Variants in DIP2C observed in about 807,000 individuals in gnomAD.
DIP2C encodes the protein DIP2 acetate--CoA ligase C (putative), also known as disco-interacting protein 2 homolog C.
A neutral mutation model predicts 192.4 loss-of-function variants in DIP2C; 33 were observed. That is an observed-to-expected ratio of 0.17 (90% CI 0.13 to 0.23). The LOEUF is 0.23. Ranked by LOEUF, DIP2C falls within the 10% of genes least tolerant of loss-of-function variation. The probability of loss-of-function intolerance (pLI) is 1.00; values close to 1 mark genes in which losing one functional copy is unlikely to be tolerated. For missense variants in DIP2C, 1,537 were observed against 2,110.1 expected (o/e 0.73, Z 5.32); for synonymous variants, 979 against 864.1 (o/e 1.13, Z -2.33).
At chr10:495,036 T>C (rs1844715338) in intron 1 of DIP2C, among the ~76,000 whole-genome samples, 1 of 152,212 alleles carries the variant, frequency 6.6e-6, no homozygotes, top group African/African-American at 2.4e-5. Flanking sequence ...ACAAAACAAA[T>C]ACTATTCAAC....
At position 281,288 on chromosome 10, in the gene DIP2C, C is replaced by G. The variant is rs1339045401; in HGVS notation, c.4330G>C (p.Asp1444His). ...HDALYVVGALDEAMELRGMRY... is the reference protein window; with the variant it reads ...HDALYVVGALHEAMELRGMRY... ...ATGCCCCGCAGCTCCATGGCTTCGT[C>G]CAGTGCCCCTACCACGTAGAGGGCA... Residue 1444 changes from aspartate (D) to histidine (H), a missense_variant, in exon 36 of 37, where the codon GAC becomes CAC. Around this residue, in one of 4 missense-constraint regions of DIP2C, gnomAD observed 341 missense variants for 551.7 expected, o/e 0.62. Transcript: ENST00000280886. 6.2e-7 allele frequency: 1 copy of G among 1,614,128 alleles called. No homozygotes were observed. Among genetic ancestry groups the G allele is most frequent in the Non-Finnish European group, 8.5e-7 (1 of 1,179,996 alleles).
At chr10:462,536 C>A (rs2133385248) in intron 3 of DIP2C, among the ~76,000 whole-genome samples, 1 of 152,270 alleles carries the variant, frequency 6.6e-6, no homozygotes, top group South Asian at 2.1e-4. Flanking sequence ...GAATTAATAG[C>A]CTACCAACCA....
chr10:674,957 C>G (rs1830823363), intron 1 of DIP2C, among the ~76,000 whole-genome samples: 1 of 151,906 alleles, frequency 6.6e-6, no homozygotes, highest in Non-Finnish European at 1.5e-5. Flanking sequence ...CAGACATTTA[C>G]AGAACATTTC....
At chr10:402,016 C>T (rs1330427490) in intron 9 of DIP2C, among the ~76,000 whole-genome samples, 8 of 130,454 alleles carry the variant, frequency 6.1e-5, no homozygotes, top group Non-Finnish European at 1.1e-4. Flanking sequence ...TAGCATTACT[C>T]TTCCTTATGG....
At chr10:644,476 G>A (rs1036349443) in intron 1 of DIP2C, among the ~76,000 whole-genome samples, 7 of 152,274 alleles carry the variant, frequency 4.6e-5, no homozygotes, top group Non-Finnish European at 7.3e-5. Flanking sequence ...AGCTGCAGGC[G>A]CGTCCTGGGA....
intron 7 of DIP2C, among the ~76,000 whole-genome samples, chr10:415,526 G>T (rs1965570395): frequency 6.6e-6 from 1 of 152,080 alleles, no homozygotes; most frequent in Non-Finnish European, 1.5e-5. Context: ...CTTAGAGAGA[G>T]ACCTGACCTG....
chr10:414,747 A>G (rs1261596201), intron 7 of DIP2C, among the ~76,000 whole-genome samples: 56 of 119,934 alleles, frequency 4.7e-4, no homozygotes, highest in Admixed American at 6.5e-4. Context: ...GTGTACATAT[A>G]TATATATATA....
intron 35 of DIP2C, among the ~76,000 whole-genome samples, 153 bp from the exon 36 acceptor site, chr10:281,476 C>T (rs1476722038): frequency 6.6e-6 from 1 of 152,240 alleles, no homozygotes; most frequent in Non-Finnish European, 1.5e-5. Flanking sequence ...TTCCTTCTGC[C>T]ACGGAGCTCC....
At chr10:364,134 T>A (rs1959888037) in intron 20 of DIP2C, among the ~76,000 whole-genome samples, 1 of 152,350 alleles carries the variant, frequency 6.6e-6, no homozygotes, top group African/African-American at 2.4e-5. Context: ...ATTTCTATTA[T>A]ACTTAGAGGG....
At position 579,577 on chromosome 10, in the gene DIP2C, G is replaced by A. The variant is rs147625175; in HGVS notation, c.86-93047C>T. On this transcript the variant is annotated intron_variant, in intron 1 of 36. Coordinates refer to ENST00000280886, the MANE Select transcript of DIP2C (RefSeq NM_014974.3). The stretch of plus-strand genomic sequence containing the variant: ...TACATAGGTACACTATAACACATGC[G>A]TACATGCATAGAGCATACACATCCA... 3.1e-3 allele frequency among the ~76,000 whole-genome samples: 466 copies of A among 151,966 alleles called. 1 individual carries two copies. The highest frequency in any genetic ancestry group is 8.8e-3 in the African/African-American group (364 of 41,358).
At chr10:420,383 C>T (rs61837187) in intron 5 of DIP2C, among the ~76,000 whole-genome samples, 5,439 of 152,290 alleles carry the variant, frequency 0.036, 149 homozygotes, top group African/African-American at 0.08. Context: ...TCGGCAATGC[C>T]GTTCACTGGG....
At chr10:449,933 AAAAG>A (rs796078426) in intron 3 of DIP2C, among the ~76,000 whole-genome samples, 5 of 144,138 alleles carry the variant, frequency 3.5e-5, no homozygotes, top group African/African-American at 8.4e-5. Flanking sequence ...AAAAAAAAAA[AAAAG>A]AAAATCTGAG....
chr10:312,161 G>A (rs1956593521), intron 31 of DIP2C, among the ~76,000 whole-genome samples: 1 of 152,172 alleles, frequency 6.6e-6, no homozygotes, highest in African/African-American at 2.4e-5. Flanking sequence ...TTCCACCCCA[G>A]CAAATGTGCT....
intron 14 of DIP2C, among the ~76,000 whole-genome samples, chr10:385,875 G>A (rs1022407224): frequency 6.6e-6 from 1 of 152,152 alleles, no homozygotes; most frequent in Non-Finnish European, 1.5e-5. Context: ...AAAAGCATGT[G>A]CCTTCACTCC....
chr10:494,097 G>A (rs1236514734), intron 1 of DIP2C, among the ~76,000 whole-genome samples: 3 of 152,198 alleles, frequency 2.0e-5, no homozygotes, highest in East Asian at 1.9e-4. Flanking sequence ...GGTCTATCCC[G>A]AGTGCTGGGC....
chr10:337,916 G>C (rs12769309), intron 29 of DIP2C, among the ~76,000 whole-genome samples: 1 of 147,784 alleles, frequency 6.8e-6, no homozygotes, highest in East Asian at 2.1e-4. Context: ...TGGAGGCCTA[G>C]GCTGATGTGT....
chr10:291,547 C>A (rs1471055841), intron 32 of DIP2C, among the ~76,000 whole-genome samples: 1 of 152,232 alleles, frequency 6.6e-6, no homozygotes, highest in Non-Finnish European at 1.5e-5. Context: ...GTAACATACA[C>A]ATCAGAGGGC....
intron 1 of DIP2C, among the ~76,000 whole-genome samples, chr10:552,099 G>A (rs1041931468): frequency 3.3e-5 from 5 of 152,218 alleles, no homozygotes; most frequent in Admixed American, 6.5e-5. Flanking sequence ...ATCTAAGCTG[G>A]GTTGCTGGAG....
chr10:568,172 G>A (rs1361410271), intron 1 of DIP2C, among the ~76,000 whole-genome samples: 4 of 152,162 alleles, frequency 2.6e-5, no homozygotes, highest in Middle Eastern at 3.2e-3. Context: ...GGAGGAGTGC[G>A]GCCCAGGGAC....
Sources: gnomAD v4.1 joint callset for allele counts (sites outside exome capture counted in the v4.1 genomes callset) on GRCh38, gnomAD v4.1.1 for gene constraint, gnomAD v4.1.1 regional missense constraint, MANE v1.5 for transcripts, NCBI Gene and HGNC (gene_info 2026-07-23, HGNC 2026-07-21) for gene names.